The following GALNT18 variants were observed in gnomAD, a reference collection of about 807,000 sequenced individuals.
The protein encoded by GALNT18 is GalNAc-transferase 18.
GALNT18 carries 44 observed loss-of-function variants against 69.5 expected under a neutral mutation model. The ratio of observed to expected loss-of-function variants is 0.63; its 90% CI spans 0.50 to 0.81. GALNT18 has a LOEUF of 0.81. Among genes scored for constraint, GALNT18 ranks in the 40% least tolerant of loss-of-function variants. The probability of loss-of-function intolerance (pLI) is 0.00; values close to 1 mark genes in which losing one functional copy is unlikely to be tolerated. For synonymous variants in GALNT18, 364 were observed against 318.2 expected, an observed-to-expected ratio of 1.14 and a Z score of -1.53; for missense variants, 715 against 810.0, an observed-to-expected ratio of 0.88 and a Z score of 1.42.
intron 2 of GALNT18, among the ~76,000 whole-genome samples, chr11:11,434,358 T>C (rs767665304): frequency 7.2e-5 from 11 of 152,196 alleles, no homozygotes; most frequent in Non-Finnish European, 1.2e-4. Context: ...ATGGAATAAA[T>C]ATTTATTGAG....
intron 10 of GALNT18, 147 bp from the exon 11 acceptor site, chr11:11,271,437 C>A: frequency 1.3e-6 from 1 of 753,562 alleles, no homozygotes; most frequent in Non-Finnish European, 2.2e-6. Flanking sequence ...ACTGCAGGCT[C>A]CCCTATCACT....
At chr11:11,476,848 C>A (rs1856411014) in intron 1 of GALNT18, among the ~76,000 whole-genome samples, 1 of 152,198 alleles carries the variant, frequency 6.6e-6, no homozygotes, top group Non-Finnish European at 1.5e-5. Flanking sequence ...GATGCCCAAG[C>A]AAGTTCTCAG....
rs970417983 is a variant in GALNT18, at chr11:11,331,374, C to T, written c.1416+1320G>A. ...TAACAGAGACCCTGGGGGTAGAGGGCATGGGTCTAGGATTCCAATTCTGTC... is the reference window on the plus strand; with the variant it reads ...TAACAGAGACCCTGGGGGTAGAGGGTATGGGTCTAGGATTCCAATTCTGTC... On this transcript the variant is annotated intron_variant, in intron 8 of 10. Coordinates refer to ENST00000227756, the MANE Select transcript of GALNT18 (RefSeq NM_198516.3). 3.3e-5 allele frequency among the ~76,000 whole-genome samples: 5 copies of T among 152,200 alleles called. No individual in the cohort carries two copies. The South Asian group carries it at 1.0e-3, about 32-fold the overall frequency.
chr11:11,285,088 T>C (rs997023225), intron 10 of GALNT18, among the ~76,000 whole-genome samples: 1 of 151,912 alleles, frequency 6.6e-6, no homozygotes, highest in Non-Finnish European at 1.5e-5. Context: ...GCAGGATGGC[T>C]GGAGGGAGTT....
chr11:11,351,908 C>T (rs1188937290), intron 6 of GALNT18: 23 of 1,480,306 alleles, frequency 1.6e-5, no homozygotes, highest in African/African-American at 4.1e-5. Context: ...TGGACTCCCC[C>T]ACCTCTGCTC....
At chr11:11,409,796 C>T (rs1463726001) in intron 3 of GALNT18, among the ~76,000 whole-genome samples, 1 of 152,194 alleles carries the variant, frequency 6.6e-6, no homozygotes, top group Non-Finnish European at 1.5e-5. Flanking sequence ...CCTGAGTCCC[C>T]TCTGCTATGT....
At chr11:11,484,594 A>G (rs1177066070) in intron 1 of GALNT18, among the ~76,000 whole-genome samples, 2 of 29,816 alleles carry the variant, frequency 6.7e-5, no homozygotes, top group Non-Finnish European at 2.2e-4. Context: ...ACTCCATCTC[A>G]AAAAAAAAAA....
At chr11:11,284,097 G>C (rs1238931091) in intron 10 of GALNT18, among the ~76,000 whole-genome samples, 1 of 152,178 alleles carries the variant, frequency 6.6e-6, no homozygotes. Flanking sequence ...ACTTGCAAAA[G>C]GAGACAGAGC....
rs1468398902 is a variant in GALNT18, at chr11:11,480,858, G to A, written c.236-31922C>T. On this transcript the variant is annotated intron_variant, in intron 1 of 10. Transcript: ENST00000227756. The surrounding 1 kb of genome is among the most constrained non-coding windows in gnomAD (Gnocchi z 4.6). Reference sequence around the variant, plus strand: ...AATTACTGCTTAATCCTGGTTAGGGGAAAATGATTCCTGACTCAGGACTTC... The same window carrying A: ...AATTACTGCTTAATCCTGGTTAGGGAAAAATGATTCCTGACTCAGGACTTC... Among the ~76,000 whole-genome samples, 1 of 152,202 alleles carries A rather than the reference G, an allele frequency of 6.6e-6. No individual in the cohort carries two copies. The highest frequency in any genetic ancestry group is 1.5e-5 in the Non-Finnish European group (1 of 68,024).
At chr11:11,365,911 TCTGTCA>T (rs1361543106) in intron 6 of GALNT18, among the ~76,000 whole-genome samples, 2 of 152,208 alleles carry the variant, frequency 1.3e-5, no homozygotes, top group Non-Finnish European at 2.9e-5. Context: ...AGCTATATGA[TCTGTCA>T]CTGTCCCCTC....
At chr11:11,440,947 C>G (rs187848708) in intron 2 of GALNT18, among the ~76,000 whole-genome samples, 20 of 152,322 alleles carry the variant, frequency 1.3e-4, no homozygotes, top group African/African-American at 4.8e-4. Context: ...AAATGAGAGA[C>G]CTGGCCTCGG....
In GALNT18 at chr11:11,463,579, G is replaced by A. The variant is rs1040115302; in HGVS notation, c.236-14643C>T. On this transcript the variant is annotated intron_variant, in intron 1 of 10. Transcript: ENST00000227756. The surrounding 1 kb of genome is among the most constrained non-coding windows in gnomAD (Gnocchi z 4.2). ...CCCAGCAGCTGTCGGCTCACTGGAC[G>A]TCTTTTCATTACTGTCCTAAGTCGT... Among the ~76,000 whole-genome samples the A allele has an allele frequency of 2.6e-5, 4 of 152,246 alleles. No homozygotes were observed. Among genetic ancestry groups the A allele is most frequent in the South Asian group, 2.1e-4 (1 of 4,828 alleles).
intron 1 of GALNT18, among the ~76,000 whole-genome samples, chr11:11,550,026 G>A (rs1194086604): frequency 1.3e-5 from 2 of 152,224 alleles, no homozygotes; most frequent in Non-Finnish European, 2.9e-5. Flanking sequence ...AGATGCCATT[G>A]AAAAGGCAGC....
chr11:11,346,184 G>T (rs906963242), intron 6 of GALNT18, among the ~76,000 whole-genome samples: 1 of 152,124 alleles, frequency 6.6e-6, no homozygotes, highest in African/African-American at 2.4e-5. Flanking sequence ...TTTTACTTCT[G>T]TACTTATTCT....
rs1185268185 is a variant in GALNT18 at position 11,523,979 on chromosome 11, T to C, written c.236-75043A>G. 6.6e-6 allele frequency among the ~76,000 whole-genome samples: 1 copy of C among 152,150 alleles called. No individual in the cohort carries two copies. The highest frequency in any genetic ancestry group is 6.5e-5 in the Admixed American group (1 of 15,270). ...TGGATACTGGGCACTGCATTGCAGC[T>C]ACCAGCACCCCAAGAACTCAAGGCT... On this transcript the variant is annotated intron_variant, in intron 1 of 10. Coordinates refer to ENST00000227756, the MANE Select transcript of GALNT18 (RefSeq NM_198516.3). This position sits in a 1 kb window ranked among gnomAD's most constrained non-coding sequence, Gnocchi z 4.3.
At chr11:11,448,992 T>C in intron 1 of GALNT18, 56 bp from the exon 2 acceptor site, 15 of 1,345,846 alleles carry the variant, frequency 1.1e-5, no homozygotes, top group Admixed American at 2.6e-5. Flanking sequence ...GCATGTGCCA[T>C]GACAATCCCT....
chr11:11,300,586 T>G (rs1011870241), intron 9 of GALNT18, among the ~76,000 whole-genome samples: 6 of 151,774 alleles, frequency 4.0e-5, no homozygotes, highest in Non-Finnish European at 7.4e-5. Context: ...GTCTAGGGAG[T>G]TAAGAGTCAC....
At chr11:11,376,452 A>G (rs1207812195) in intron 5 of GALNT18, among the ~76,000 whole-genome samples, 3 of 151,782 alleles carry the variant, frequency 2.0e-5, no homozygotes, top group African/African-American at 7.3e-5. Flanking sequence ...CTGAACCTTA[A>G]AAGCCGAGAC....
intron 9 of GALNT18, among the ~76,000 whole-genome samples, chr11:11,297,952 G>A (rs558260417): frequency 1.3e-5 from 2 of 152,356 alleles, no homozygotes; most frequent in Non-Finnish European, 2.9e-5. Context: ...TCTTACGCTA[G>A]TGGCATTTTC....
Sources: allele counts gnomAD v4.1 joint callset (sites outside exome capture counted in the v4.1 genomes callset), GRCh38; gene constraint gnomAD v4.1.1; non-coding constraint Gnocchi (gnomAD v3.1); transcripts MANE v1.5; gene names NCBI Gene and HGNC (gene_info 2026-07-23, HGNC 2026-07-21).